Variants in DCAF6 observed in about 807,000 individuals in gnomAD.
The protein encoded by DCAF6 is DDB1 and CUL4 associated factor 6.
Under a neutral mutation model 125.1 loss-of-function variants are expected in DCAF6, and 54 were observed. That is an observed-to-expected ratio of 0.43 (90% CI 0.35 to 0.54). The LOEUF (loss-of-function observed/expected upper bound fraction) is 0.54, where lower values mean the gene tolerates loss of function less well. Ranked by LOEUF, DCAF6 falls within the 20% of genes least tolerant of loss-of-function variation. The pLI, the probability that DCAF6 is intolerant of heterozygous loss-of-function variation, is 0.01. For synonymous variants in DCAF6, 371 were observed against 390.4 expected, an observed-to-expected ratio of 0.95 and a Z score of 0.58; for missense variants, 934 against 1,161.7, an observed-to-expected ratio of 0.80 and a Z score of 2.85.
At chr1:167,880,394 A>T in the DCAF6 span, 1 of 1,047,490 alleles carries the variant, frequency 9.5e-7, no homozygotes, top group Middle Eastern at 2.0e-4. Flanking sequence ...CTAAGTTCTT[A>T]ATTAATTCTT....
intron 2 of DCAF6, among the ~76,000 whole-genome samples, chr1:167,965,462 A>T (rs891827441): frequency 6.6e-6 from 1 of 152,204 alleles, no homozygotes; most frequent in Non-Finnish European, 1.5e-5. Context: ...AGAAAGTTAG[A>T]GTACTCTGGG....
chr1:167,936,461 C>T (rs1015450079), upstream of DCAF6: 1 of 182,948 alleles, frequency 5.5e-6, no homozygotes, highest in African/African-American at 2.4e-5. Flanking sequence ...TCTTTTATCC[C>T]TAGCGACTTA....
At chr1:167,919,934 A>T in the DCAF6 span, 1 of 1,452,190 alleles carries the variant, frequency 6.9e-7, no homozygotes, top group Non-Finnish European at 9.5e-7. Flanking sequence ...AGTGCCATCT[A>T]AGTAGCTTTT....
chr1:167,878,494 A>G, the DCAF6 span: 3 of 1,614,186 alleles, frequency 1.9e-6, no homozygotes, highest in Non-Finnish European at 2.5e-6. Flanking sequence ...AGAATCTGCA[A>G]CACCTTTCAT....
At chr1:167,939,306 G>C (rs1279372861) in intron 1 of DCAF6, among the ~76,000 whole-genome samples, 1 of 152,014 alleles carries the variant, frequency 6.6e-6, no homozygotes, top group Non-Finnish European at 1.5e-5. Flanking sequence ...ATTAAAAATT[G>C]TTATATTTAA....
chr1:167,978,455 A>G (rs1415412745), intron 4 of DCAF6, among the ~76,000 whole-genome samples: 1 of 152,116 alleles, frequency 6.6e-6, no homozygotes, highest in African/African-American at 2.4e-5. Context: ...TGCTGATACT[A>G]CTGAGGTTGA....
chr1:168,008,887 CCCCTCCCCCCT>C (rs1683760191), intron 10 of DCAF6, among the ~76,000 whole-genome samples: 1 of 131,908 alleles, frequency 7.6e-6, no homozygotes, highest in Non-Finnish European at 1.6e-5. Context: ...CCCACCCCCT[CCCCTCCCCCCT>C]CCCTCCCTCC....
chr1:167,866,600 C>T, the DCAF6 span, among the ~76,000 whole-genome samples: 1 of 149,998 alleles, frequency 6.7e-6, no homozygotes, highest in African/African-American at 2.4e-5. Flanking sequence ...CAAGGTCTTA[C>T]TCATAGCAAA....
chr1:167,926,536 T>A, the DCAF6 span, among the ~76,000 whole-genome samples: 2 of 152,248 alleles, frequency 1.3e-5, 1 homozygote, highest in Non-Finnish European at 2.9e-5. Flanking sequence ...AACTAAATAT[T>A]AGCCAAGTCA....
chr1:168,049,436 T>TG (rs1285970888), intron 16 of DCAF6, among the ~76,000 whole-genome samples: 2 of 139,794 alleles, frequency 1.4e-5, no homozygotes, highest in Non-Finnish European at 3.0e-5. Flanking sequence ...TTGTTGTTTT[T>TG]TTTTTTTTTT....
At chr1:167,940,953 G>C (rs907703926) in intron 1 of DCAF6, among the ~76,000 whole-genome samples, 4 of 152,066 alleles carry the variant, frequency 2.6e-5, no homozygotes, top group Non-Finnish European at 5.9e-5. Flanking sequence ...AGTGTCCTTT[G>C]AATATCATTA....
intron 11 of DCAF6, among the ~76,000 whole-genome samples, chr1:168,017,728 T>C (rs1433593678): frequency 1.3e-5 from 2 of 152,158 alleles, no homozygotes; most frequent in Admixed American, 1.3e-4. Context: ...GGACATTAAT[T>C]GATTCATTCT....
chr1:167,904,891 G>T, the DCAF6 span: 6 of 1,498,900 alleles, frequency 4.0e-6, no homozygotes, highest in Non-Finnish European at 5.6e-6. Context: ...CAGCCCAAGG[G>T]CTCCAGAATG....
At chr1:168,073,527 G>C (rs904882929) in intron 21 of DCAF6, among the ~76,000 whole-genome samples, 8 of 151,334 alleles carry the variant, frequency 5.3e-5, no homozygotes, top group Admixed American at 4.6e-4. Flanking sequence ...TCTCTTTATT[G>C]TGTGCCTCTG....
At chr1:167,963,273 A>C (rs1219660872) in intron 2 of DCAF6, among the ~76,000 whole-genome samples, 4 of 152,036 alleles carry the variant, frequency 2.6e-5, no homozygotes, top group East Asian at 1.9e-4. Context: ...CAAAAAAAAA[A>C]CCAAAATAAT....
chr1:167,947,095 A>G (rs2102678098), intron 1 of DCAF6, among the ~76,000 whole-genome samples: 1 of 152,082 alleles, frequency 6.6e-6, no homozygotes, highest in East Asian at 1.9e-4. Flanking sequence ...TTTCTGGTTC[A>G]TTCTTGGTAG....
the DCAF6 span, chr1:167,896,815 A>G: frequency 1.4e-6 from 1 of 699,590 alleles, no homozygotes; most frequent in Non-Finnish European, 2.5e-6. Context: ...CTTAAACACC[A>G]AGACTATTTG....
chr1:168,064,099 T>C (rs984334629), intron 18 of DCAF6: 4 of 146,854 alleles, frequency 2.7e-5, no homozygotes, highest in African/African-American at 1.2e-4. Context: ...TTTTTTTTTT[T>C]AGCTTGTATT....
At chr1:167,967,724 T>G (rs959505081) in intron 3 of DCAF6, among the ~76,000 whole-genome samples, 51 of 140,178 alleles carry the variant, frequency 3.6e-4, no homozygotes, top group African/African-American at 1.3e-3. Context: ...CTTTTTTTTT[T>G]TTTTTTTTTT....
Sources: allele counts gnomAD v4.1 joint callset (sites outside exome capture counted in the v4.1 genomes callset), GRCh38; gene constraint gnomAD v4.1.1; transcripts MANE v1.5; gene names NCBI Gene and HGNC (gene_info 2026-07-23, HGNC 2026-07-21).